Variants in RALYL observed in about 807,000 individuals in gnomAD.
RALYL encodes RALY RNA binding protein like.
Under a neutral mutation model 35.1 loss-of-function variants are expected in RALYL, and 29 were observed. That is an observed-to-expected ratio of 0.83 (90% confidence interval 0.61 to 1.13). The LOEUF is 1.13. Ranked by LOEUF, RALYL falls within the 50% of genes most tolerant of loss-of-function variation. The pLI, the probability that RALYL is intolerant of heterozygous loss-of-function variation, is 0.00. For synonymous variants in RALYL, 120 were observed against 127.6 expected (o/e 0.94, Z 0.40); for missense variants, 359 against 360.4 (o/e 1.00, Z 0.03).
intron 4 of RALYL, among the ~76,000 whole-genome samples, chr8:84,827,917 T>C (rs577865671): frequency 4.4e-4 from 67 of 152,200 alleles, no homozygotes; most frequent in African/African-American, 1.6e-3. Context: ...AGCCACTTGG[T>C]AATTTTTACT....
chr8:84,915,433 C>A (rs551985033), intron 8 of RALYL, among the ~76,000 whole-genome samples: 1 of 152,020 alleles, frequency 6.6e-6, no homozygotes, highest in African/African-American at 2.4e-5. Flanking sequence ...TTCTGCCTGG[C>A]TATCTTACTG....
intron 1 of RALYL, among the ~76,000 whole-genome samples, chr8:84,357,813 T>C (rs1852173068): frequency 7.3e-6 from 1 of 136,256 alleles, no homozygotes; most frequent in South Asian, 2.1e-4. Context: ...AGTGGCTATT[T>C]GCTCATTAAA....
chr8:84,710,148 T>G (rs1295009502), intron 2 of RALYL, among the ~76,000 whole-genome samples: 1 of 152,166 alleles, frequency 6.6e-6, no homozygotes, highest in Admixed American at 6.6e-5. Context: ...CCTATTTATC[T>G]TCTTGTTGAT....
intron 1 of RALYL, among the ~76,000 whole-genome samples, chr8:84,444,534 G>A (rs1160142215): frequency 6.6e-6 from 1 of 151,962 alleles, no homozygotes; most frequent in Admixed American, 6.6e-5. Flanking sequence ...GAAATGGTTA[G>A]GTATGCACGC....
chr8:84,473,052 C>A (rs1299394541), intron 1 of RALYL, among the ~76,000 whole-genome samples: 1 of 152,044 alleles, frequency 6.6e-6, no homozygotes, highest in Non-Finnish European at 1.5e-5. Flanking sequence ...CCTTGTAGTT[C>A]TTTACATTTT....
intron 1 of RALYL, among the ~76,000 whole-genome samples, chr8:84,427,835 T>C (rs1224706905): frequency 6.6e-6 from 1 of 152,146 alleles, no homozygotes; most frequent in Non-Finnish European, 1.5e-5. Flanking sequence ...TATCTCTCTC[T>C]CCCCTCCTCA....
intron 2 of RALYL, among the ~76,000 whole-genome samples, chr8:84,666,442 G>A (rs749876473): frequency 6.6e-6 from 1 of 151,936 alleles, no homozygotes; most frequent in East Asian, 1.9e-4. Flanking sequence ...GTATAACAAA[G>A]AACTCTGTAC....
intron 1 of RALYL, among the ~76,000 whole-genome samples, chr8:84,511,118 C>T (rs1254852359): frequency 6.6e-6 from 1 of 152,160 alleles, no homozygotes; most frequent in Non-Finnish European, 1.5e-5. Context: ...CATCCTTCTA[C>T]TCTACTTCCA....
At chr8:84,489,224 C>T (rs2054982704) in intron 1 of RALYL, among the ~76,000 whole-genome samples, 1 of 151,800 alleles carries the variant, frequency 6.6e-6, no homozygotes, top group South Asian at 2.1e-4. Context: ...TTTTCCTTTT[C>T]TTCCCTTTGG....
chr8:84,653,414 T>A (rs1829262242), intron 2 of RALYL, among the ~76,000 whole-genome samples: 1 of 152,038 alleles, frequency 6.6e-6, no homozygotes. Context: ...CCTCACCTCC[T>A]ACCTTTCTTT....
chr8:84,714,286 C>A (rs1467611454), intron 2 of RALYL, among the ~76,000 whole-genome samples: 2 of 151,716 alleles, frequency 1.3e-5, no homozygotes, highest in African/African-American at 4.8e-5. Flanking sequence ...TGTTTGTCAA[C>A]AGATACAAAA....
chr8:84,611,091 G>T (rs1818212197), intron 2 of RALYL, among the ~76,000 whole-genome samples: 1 of 152,008 alleles, frequency 6.6e-6, no homozygotes, highest in Non-Finnish European at 1.5e-5. Flanking sequence ...TAGGCATTTG[G>T]ATTTTAATGT....
At chr8:84,350,187 A>ATTTTTCC (rs1850626300) in intron 1 of RALYL, among the ~76,000 whole-genome samples, 1 of 150,432 alleles carries the variant, frequency 6.6e-6, no homozygotes. Context: ...ATGTATGACC[A>ATTTTTCC]ATATCCACCA....
At chr8:84,612,847 C>A (rs543789915) in intron 2 of RALYL, among the ~76,000 whole-genome samples, 3 of 151,748 alleles carry the variant, frequency 2.0e-5, no homozygotes, top group Admixed American at 1.3e-4. Context: ...TTTTTAAATG[C>A]ATGTTTATGA....
chr8:84,709,757 C>G (rs1464473609), intron 2 of RALYL, among the ~76,000 whole-genome samples: 1 of 152,038 alleles, frequency 6.6e-6, no homozygotes, highest in Non-Finnish European at 1.5e-5. Context: ...ATATTCTACC[C>G]TTTATCAAGC....
intron 1 of RALYL, among the ~76,000 whole-genome samples, chr8:84,348,176 T>C (rs1211445567): frequency 6.6e-6 from 1 of 152,086 alleles, no homozygotes; most frequent in African/African-American, 2.4e-5. Flanking sequence ...TAAGTAAGGT[T>C]GCAATTTGCT....
intron 1 of RALYL, among the ~76,000 whole-genome samples, chr8:84,404,157 G>A (rs560307910): frequency 2.6e-5 from 4 of 151,850 alleles, no homozygotes; most frequent in South Asian, 2.1e-4. Flanking sequence ...ATTTGAATAC[G>A]TTTATTTCTT....
chr8:84,197,376 G>T (rs1038217346), intron 1 of RALYL, among the ~76,000 whole-genome samples: 1 of 152,116 alleles, frequency 6.6e-6, no homozygotes, highest in African/African-American at 2.4e-5. Context: ...TGGAGTTAAA[G>T]ACATGTTTAC....
chr8:84,676,747 G>T (rs1834270894), intron 2 of RALYL, among the ~76,000 whole-genome samples: 1 of 152,100 alleles, frequency 6.6e-6, no homozygotes, highest in African/African-American at 2.4e-5. Context: ...GAATGCAAAA[G>T]TTATAATCCT....
Sources: gnomAD v4.1 joint callset for allele counts (sites outside exome capture counted in the v4.1 genomes callset) on GRCh38, gnomAD v4.1.1 for gene constraint, MANE v1.5 for transcripts, NCBI Gene and HGNC (gene_info 2026-07-23, HGNC 2026-07-21) for gene names.